The following CRACD variants were observed in gnomAD, a reference collection of about 807,000 sequenced individuals.
The protein encoded by CRACD is capping protein-inhibiting regulator of actin dynamics.
A neutral mutation model predicts 106.8 loss-of-function variants in CRACD; 56 were observed. The ratio of observed to expected loss-of-function variants is 0.52; its 90% confidence interval spans 0.42 to 0.66. The LOEUF (loss-of-function observed/expected upper bound fraction) is 0.66. Among genes scored for constraint, CRACD ranks in the 30% least tolerant of loss-of-function variants. The pLI is 0.00. For synonymous variants in CRACD, 754 were observed against 670.8 expected, an observed-to-expected ratio of 1.12 and a Z score of -1.92; for missense variants, 1,730 against 1,623.2, an observed-to-expected ratio of 1.07 and a Z score of -1.13.
At chr4:56,271,567 A>G (rs1450792147) in intron 2 of CRACD, among the ~76,000 whole-genome samples, 1 of 151,896 alleles carries the variant, frequency 6.6e-6, no homozygotes, top group Admixed American at 6.6e-5. Flanking sequence ...AGAGATAAAA[A>G]TATTAAAAAA....
At chr4:56,170,658 A>G (rs1042324263) in intron 1 of CRACD, among the ~76,000 whole-genome samples, 2 of 152,024 alleles carry the variant, frequency 1.3e-5, no homozygotes, top group East Asian at 1.9e-4. Context: ...CCTTGACAAC[A>G]TAGCAAGACC....
At chr4:56,186,036 G>A (rs974505296) in intron 2 of CRACD, among the ~76,000 whole-genome samples, 1 of 152,156 alleles carries the variant, frequency 6.6e-6, no homozygotes, top group African/African-American at 2.4e-5. Flanking sequence ...AGGCTGCTCC[G>A]GGAGGGCTCT....
At chr4:56,099,780 GACTA>G (rs1733720867) in intron 1 of CRACD, among the ~76,000 whole-genome samples, 2 of 152,130 alleles carry the variant, frequency 1.3e-5, no homozygotes, top group African/African-American at 4.8e-5. Flanking sequence ...TGTTGCTATG[GACTA>G]ACTCTGAAAC....
At chr4:56,230,756 GT>G (rs1291489419) in intron 2 of CRACD, among the ~76,000 whole-genome samples, 1 of 152,174 alleles carries the variant, frequency 6.6e-6, no homozygotes, top group Non-Finnish European at 1.5e-5. Context: ...AGAGCTGAAA[GT>G]ATTTGCAAGC....
intron 3 of CRACD, among the ~76,000 whole-genome samples, chr4:56,276,980 G>T (rs1419647069): frequency 6.6e-6 from 1 of 152,180 alleles, no homozygotes; most frequent in Non-Finnish European, 1.5e-5. Context: ...GTCGGGAAAG[G>T]GTTCAGGAAT....
intron 1 of CRACD, among the ~76,000 whole-genome samples, chr4:56,091,006 A>G (rs1221048232): frequency 6.6e-6 from 1 of 152,016 alleles, no homozygotes; most frequent in African/African-American, 2.4e-5. Context: ...TTTGGGTTGA[A>G]TTTCTGTTGC....
At chr4:56,141,293 G>A (rs757266138) in intron 1 of CRACD, among the ~76,000 whole-genome samples, 2 of 152,186 alleles carry the variant, frequency 1.3e-5, no homozygotes, top group Non-Finnish European at 2.9e-5. Flanking sequence ...TGATGGGAAG[G>A]ATTGAAATGC....
At chr4:56,171,547 T>C (rs1220808079) in intron 1 of CRACD, among the ~76,000 whole-genome samples, 2 of 152,032 alleles carry the variant, frequency 1.3e-5, no homozygotes, top group East Asian at 3.9e-4. Context: ...AAAGTGCAAT[T>C]TGAGTAGAAT....
intron 1 of CRACD, among the ~76,000 whole-genome samples, chr4:56,116,781 C>T (rs928380306): frequency 4.0e-5 from 6 of 151,852 alleles, no homozygotes; most frequent in Non-Finnish European, 7.4e-5. Context: ...GATCTCGGCT[C>T]AGTGCAGCCT....
At chr4:56,108,343 A>G (rs1208645748) in intron 1 of CRACD, among the ~76,000 whole-genome samples, 3 of 152,174 alleles carry the variant, frequency 2.0e-5, no homozygotes, top group Non-Finnish European at 2.9e-5. Context: ...ATTTTCCCCA[A>G]AATGCACAAA....
chr4:56,206,761 C>T (rs1738142165), intron 2 of CRACD, among the ~76,000 whole-genome samples: 1 of 152,132 alleles, frequency 6.6e-6, no homozygotes, highest in Non-Finnish European at 1.5e-5. Flanking sequence ...GTCACGTTGT[C>T]CCTTAGGTGA....
intron 1 of CRACD, among the ~76,000 whole-genome samples, chr4:56,100,946 A>G (rs1015949148): frequency 3.9e-5 from 6 of 152,208 alleles, no homozygotes; most frequent in Admixed American, 3.9e-4. Flanking sequence ...TGCAAGTTTT[A>G]AAACCTCAAC....
rs978588493 is a variant in CRACD at position 56,247,924 on chromosome 4, C to G, written c.-188-24397C>G. On this transcript the variant is annotated intron_variant, in intron 2 of 10. Transcript: ENST00000682029. The stretch of plus-strand genomic sequence containing the variant: ...TGGACTTTGCATGGGATGCGTCATA[C>G]TTACAGTACTCCACAGTATTTTATC... Among the ~76,000 whole-genome samples, 145 of 151,624 alleles carry G rather than the reference C, an allele frequency of 9.6e-4. 1 individual carries two copies. The highest frequency in any genetic ancestry group is 7.4e-5 in the Non-Finnish European group (5 of 67,978).
At chr4:56,282,170 TTG>T (rs1478467518) in intron 3 of CRACD, among the ~76,000 whole-genome samples, 1 of 152,180 alleles carries the variant, frequency 6.6e-6, no homozygotes, top group Non-Finnish European at 1.5e-5. Flanking sequence ...ATTGCCCCTG[TTG>T]TCATGGAAAC....
At chr4:56,075,062 T>G (rs1184358375) in intron 1 of CRACD, among the ~76,000 whole-genome samples, 1 of 152,182 alleles carries the variant, frequency 6.6e-6, no homozygotes, top group African/African-American at 2.4e-5. Flanking sequence ...GATAAGCTTT[T>G]TGATGTGCTG....
rs76010709 is a variant in CRACD at position 56,169,014 on chromosome 4, C to T, written c.-335-10270C>T. ...AAACAAGTCAAATTATTTAAGGTTACAGACTACCTTTGTTGATGGGGCTCA... is the reference window on the plus strand; with the variant it reads ...AAACAAGTCAAATTATTTAAGGTTATAGACTACCTTTGTTGATGGGGCTCA... On this transcript the variant is annotated intron_variant, in intron 1 of 10. Coordinates refer to ENST00000682029, the MANE Select transcript of CRACD (RefSeq NM_001393381.1). 3.3e-5 allele frequency among the ~76,000 whole-genome samples: 5 copies of T among 152,294 alleles called. No individual in the cohort carries two copies. In the East Asian group the frequency reaches 9.6e-4, roughly 29 times the overall value.
In CRACD at chr4:56,315,580, C is replaced by G; in HGVS notation, c.2078C>G (p.Pro693Arg). ...PRSSERDQLR[P>R]GDESTPRGRC... is the part of the protein sequence containing the mutation. ...AGCAGCGAGAGGGACCAGTTGAGGC[C>G]CGGTGATGAGTCCACTCCCAGGGGC... The change falls in exon 8 of 11, where the codon CCC becomes CGC. Residue 693 changes from proline (P) to arginine (R), a missense_variant. Physicochemically the swap from Pro to Arg is moderately radical, Grantham distance 103. Transcript: ENST00000682029. This position sits in a 1 kb window ranked among gnomAD's most constrained non-coding sequence, Gnocchi z 4.1. 1 of 1,614,078 alleles carries G rather than the reference C, an allele frequency of 6.2e-7. No individual in the cohort carries two copies. The highest frequency in any genetic ancestry group is 2.2e-5 in the East Asian group (1 of 44,844).
chr4:56,115,032 A>C (rs576229937), intron 1 of CRACD, among the ~76,000 whole-genome samples: 3 of 152,202 alleles, frequency 2.0e-5, no homozygotes, highest in Non-Finnish European at 2.9e-5. Context: ...GATATCAATA[A>C]AATGTTGTGG....
At position 56,314,673 on chromosome 4, in the gene CRACD, G is replaced by C; in HGVS notation, c.1171G>C (p.Glu391Gln). 6.4e-7 allele frequency: 1 copy of C among 1,550,862 alleles called. No homozygotes were observed. Among genetic ancestry groups the C allele is most frequent in the South Asian group, 1.2e-5 (1 of 84,062 alleles). ...GCCCGAGGCGTTGGAGGAGACTGGG[G>C]AGGGCCGGCGGGGCGCGGAGGAGGA... Reference protein sequence around the residue: ...GPPEALEETGEGRRGAEEEDL... With the variant: ...GPPEALEETGQGRRGAEEEDL... The change falls in exon 8 of 11, where the codon GAG becomes CAG. Residue 391 changes from glutamate to glutamine, a missense_variant. Coordinates refer to ENST00000682029, the MANE Select transcript of CRACD (RefSeq NM_001393381.1). This position sits in a 1 kb window ranked among gnomAD's most constrained non-coding sequence, Gnocchi z 4.4.
Sources: gnomAD v4.1 joint callset for allele counts (sites outside exome capture counted in the v4.1 genomes callset) on GRCh38, gnomAD v4.1.1 for gene constraint, Gnocchi (gnomAD v3.1) non-coding constraint, MANE v1.5 for transcripts, NCBI Gene and HGNC (gene_info 2026-07-23, HGNC 2026-07-21) for gene names.